SH3GL3: variants seen among roughly 807,000 people sequenced by gnomAD.
SH3GL3 encodes the protein SH3 domain containing GRB2 like 3, endophilin A3.
SH3GL3 carries 33 observed loss-of-function variants against 47.7 expected under a neutral mutation model. The ratio of observed to expected loss-of-function variants is 0.69; its 90% confidence interval spans 0.52 to 0.92. The LOEUF (loss-of-function observed/expected upper bound fraction) is 0.92. Among genes scored for constraint, SH3GL3 ranks in the 40% least tolerant of loss-of-function variants. The pLI, the probability that SH3GL3 is intolerant of heterozygous loss-of-function variation, is 0.00. For synonymous variants in SH3GL3, 155 were observed against 148.8 expected, an observed-to-expected ratio of 1.04 and a Z score of -0.30; for missense variants, 363 against 417.8, an observed-to-expected ratio of 0.87 and a Z score of 1.14.
intron 1 of SH3GL3, among the ~76,000 whole-genome samples, chr15:83,494,178 C>T (rs73442669): frequency 2.7e-4 from 41 of 152,320 alleles, no homozygotes; most frequent in African/African-American, 8.9e-4. Flanking sequence ...CTGCCCAAGG[C>T]TTGCCACAGG....
At chr15:83,493,636 T>C (rs1470977471) in intron 1 of SH3GL3, among the ~76,000 whole-genome samples, 3 of 152,106 alleles carry the variant, frequency 2.0e-5, no homozygotes, top group Non-Finnish European at 4.4e-5. Context: ...TTTACCTGAG[T>C]TCTTAAATTC....
intron 8 of SH3GL3, among the ~76,000 whole-genome samples, chr15:83,613,944 C>T (rs182253207): frequency 3.3e-5 from 5 of 152,252 alleles, no homozygotes; most frequent in East Asian, 3.9e-4. Flanking sequence ...AAATGCTTCC[C>T]GAGACTACCA....
chr15:83,468,517 A>G (rs2040681553), intron 1 of SH3GL3, among the ~76,000 whole-genome samples: 1 of 152,204 alleles, frequency 6.6e-6, no homozygotes, highest in Non-Finnish European at 1.5e-5. Context: ...GATGCTCTTA[A>G]CCACAGTGAG....
chr15:83,581,090 T>C (rs774158761), intron 6 of SH3GL3, among the ~76,000 whole-genome samples: 4 of 152,182 alleles, frequency 2.6e-5, no homozygotes, highest in African/African-American at 4.8e-5. Context: ...CCAGCCCTCA[T>C]GTCTCATCAT....
intron 1 of SH3GL3, among the ~76,000 whole-genome samples, chr15:83,489,885 AGATAATAG>A (rs1232187256): frequency 2.4e-4 from 36 of 149,204 alleles, no homozygotes; most frequent in African/African-American, 8.4e-4. Flanking sequence ...ATAGATAGAT[AGATAATAG>A]ATAGATAGAT....
intron 1 of SH3GL3, among the ~76,000 whole-genome samples, chr15:83,547,715 A>G (rs974660466): frequency 3.0e-5 from 4 of 135,282 alleles, no homozygotes; most frequent in Admixed American, 1.5e-4. Flanking sequence ...GCACCTGTTT[A>G]TTTTTCTTTC....
At chr15:83,553,035 G>C (rs1426529830) in intron 1 of SH3GL3, among the ~76,000 whole-genome samples, 1 of 152,116 alleles carries the variant, frequency 6.6e-6, no homozygotes, top group African/African-American at 2.4e-5. Context: ...AGGAGGTGGA[G>C]GCAGGAGGAT....
At chr15:83,587,826 CAG>C (rs2059994267) in intron 7 of SH3GL3, among the ~76,000 whole-genome samples, 1 of 152,086 alleles carries the variant, frequency 6.6e-6, no homozygotes, top group African/African-American at 2.4e-5. Flanking sequence ...GGTTTGATAA[CAG>C]AAAATTGTTT....
intron 1 of SH3GL3, among the ~76,000 whole-genome samples, chr15:83,506,487 G>C (rs1008639992): frequency 3.3e-5 from 5 of 152,172 alleles, no homozygotes; most frequent in Admixed American, 6.5e-5. Flanking sequence ...GGACACATCT[G>C]ATAGGGCCTG....
chr15:83,475,779 T>C (rs2041068643), intron 1 of SH3GL3, among the ~76,000 whole-genome samples: 1 of 152,270 alleles, frequency 6.6e-6, no homozygotes, highest in South Asian at 2.1e-4. Context: ...CTGAGGTCTG[T>C]AGACTCCTGG....
Position 83,557,849 on chromosome 15 carries a change from C to G in SH3GL3, c.46-1404C>G, listed in dbSNP as rs568946614. Among the ~76,000 whole-genome samples the G allele has an allele frequency of 2.0e-5, 3 of 152,346 alleles. No homozygotes were observed. In the East Asian group the frequency reaches 5.8e-4, roughly 29 times the overall value. On this transcript the variant is annotated intron_variant, in intron 1 of 8. Transcript: ENST00000427482. ...CTAGGTGGGAAGATAGACTCCAACT[C>G]TAGCTCGGAGGAACTGTAAAGACGC...
intron 4 of SH3GL3, 45 bp downstream of exon 4, chr15:83,568,717 G>A (rs1437198139): frequency 2.6e-6 from 4 of 1,527,816 alleles, no homozygotes; most frequent in Non-Finnish European, 3.6e-6. Context: ...AACTCCTCCA[G>A]TATGGTTTTA....
At chr15:83,449,366 C>A (rs2039620029) in intron 1 of SH3GL3, among the ~76,000 whole-genome samples, 3 of 152,080 alleles carry the variant, frequency 2.0e-5, no homozygotes, top group Admixed American at 2.0e-4. Flanking sequence ...GCCAGGAGGC[C>A]GAGTGCTGCT....
chr15:83,540,670 C>T (rs1392930828), intron 1 of SH3GL3, among the ~76,000 whole-genome samples: 2 of 151,914 alleles, frequency 1.3e-5, no homozygotes, highest in African/African-American at 4.8e-5. Flanking sequence ...GTATTTATGG[C>T]ATATATCAGA....
intron 1 of SH3GL3, among the ~76,000 whole-genome samples, chr15:83,539,501 G>A (rs971346606): frequency 1.3e-5 from 2 of 152,158 alleles, no homozygotes; most frequent in Admixed American, 6.5e-5. Context: ...TTGAGGGGAC[G>A]CAAACATTCA....
intron 1 of SH3GL3, among the ~76,000 whole-genome samples, chr15:83,495,751 T>C (rs181320737): frequency 4.6e-5 from 7 of 151,772 alleles, no homozygotes; most frequent in Admixed American, 2.6e-4. Flanking sequence ...GAAAAAAAAA[T>C]GTTGCACTAA....
At position 83,597,672 on chromosome 15, in the gene SH3GL3, C is replaced by T. The variant is rs190294788; in HGVS notation, c.838+8901C>T. Among the ~76,000 whole-genome samples, 375 of 151,594 alleles carry T rather than the reference C, an allele frequency of 2.5e-3. 2 individuals carry two copies. The highest frequency in any genetic ancestry group is 8.2e-3 in the African/African-American group (340 of 41,312). ...TCACCCAGGCTGGAGTGCAATGGTACGATCTCGGCTCACTGCAACCTCCGC... is the reference window on the plus strand; with the variant it reads ...TCACCCAGGCTGGAGTGCAATGGTATGATCTCGGCTCACTGCAACCTCCGC... On this transcript the variant is annotated intron_variant, in intron 8 of 8. Transcript: ENST00000427482.
intron 5 of SH3GL3, among the ~76,000 whole-genome samples, chr15:83,574,896 A>T (rs2059633693): frequency 6.6e-6 from 1 of 152,048 alleles, no homozygotes; most frequent in Non-Finnish European, 1.5e-5. Flanking sequence ...CTTTCGCTAG[A>T]CTTCGTGGGG....
intron 1 of SH3GL3, among the ~76,000 whole-genome samples, chr15:83,540,915 A>G (rs952508241): frequency 1.3e-5 from 2 of 152,178 alleles, no homozygotes; most frequent in Non-Finnish European, 2.9e-5. Flanking sequence ...GTGCCCATTA[A>G]CCATCCCGAT....
Sources: gnomAD v4.1 joint callset for allele counts (sites outside exome capture counted in the v4.1 genomes callset) on GRCh38, gnomAD v4.1.1 for gene constraint, MANE v1.5 for transcripts, NCBI Gene and HGNC (gene_info 2026-07-23, HGNC 2026-07-21) for gene names.